The following B3GLCT variants were observed in gnomAD, a reference collection of about 807,000 sequenced individuals.
B3GLCT encodes the protein beta-1,3-glucosyltransferase.
Under a neutral mutation model 63.4 loss-of-function variants are expected in B3GLCT, and 65 were observed. The observed-to-expected ratio is 1.03, with a 90% CI of 0.84 to 1.26. B3GLCT has a LOEUF of 1.26. Ranked by LOEUF, B3GLCT falls within the 50% of genes most tolerant of loss-of-function variation. The probability of loss-of-function intolerance (pLI) is 0.00; values close to 1 mark genes in which losing one functional copy is unlikely to be tolerated. For synonymous variants in B3GLCT, 233 were observed against 219.2 expected (o/e 1.06, Z -0.55); for missense variants, 577 against 604.8 (o/e 0.95, Z 0.48).
intron 1 of B3GLCT, among the ~76,000 whole-genome samples, chr13:31,214,138 T>C (rs941059153): frequency 4.6e-5 from 7 of 152,322 alleles, no homozygotes; most frequent in Admixed American, 4.6e-4. Context: ...TGACACTCCT[T>C]GTACATTATT....
rs768474403 is a variant in B3GLCT, at chr13:31,229,248, A to C, written c.224A>C (p.Glu75Ala). Residue 75 changes from glutamate (E) to alanine (A), a missense_variant, in exon 4 of 15, where the codon GAG (glutamate) becomes GCG (alanine). Glu to Ala is a moderately radical substitution (Grantham distance 107). Coordinates refer to ENST00000343307, the MANE Select transcript of B3GLCT (RefSeq NM_194318.4). ...AATTCTTTTCATGCAAAGAGAGCAG[A>C]GCAGTTAAAAAAAAGCATCTTAAAG... ...QSNSFHAKRA[E>A]QLKKSILKQA... is the part of the protein sequence containing the mutation. 9.9e-6 allele frequency: 16 copies of C among 1,613,804 alleles called. No individual in the cohort carries two copies. The highest frequency in any genetic ancestry group is 1.1e-5 in the Non-Finnish European group (13 of 1,179,648).
chr13:31,291,815 C>T (rs1338567341), intron 12 of B3GLCT, among the ~76,000 whole-genome samples: 3 of 152,190 alleles, frequency 2.0e-5, no homozygotes, highest in African/African-American at 7.2e-5. Flanking sequence ...ATTTCTTTCT[C>T]TTCCTTATTG....
chr13:31,254,155 G>T (rs1871594144), intron 6 of B3GLCT, among the ~76,000 whole-genome samples: 1 of 152,104 alleles, frequency 6.6e-6, no homozygotes, highest in African/African-American at 2.4e-5. Flanking sequence ...GAAAAAGAGG[G>T]AATCCTCCCT....
chr13:31,228,954 T>C (rs112235705), intron 3 of B3GLCT, among the ~76,000 whole-genome samples: 40 of 152,322 alleles, frequency 2.6e-4, no homozygotes, highest in African/African-American at 9.1e-4. Context: ...TGCCATAGAC[T>C]GGGTCTGGTA....
At chr13:31,317,326 C>T (rs1875088331) in intron 12 of B3GLCT, among the ~76,000 whole-genome samples, 1 of 152,216 alleles carries the variant, frequency 6.6e-6, no homozygotes, top group Non-Finnish European at 1.5e-5. Flanking sequence ...AACTGAGGAA[C>T]AAGCCCCTTG....
chr13:31,229,033 T>G, intron 3 of B3GLCT, 152 bp from the exon 4 acceptor site: 1 of 631,604 alleles, frequency 1.6e-6, no homozygotes, highest in Non-Finnish European at 2.8e-6. Flanking sequence ...GAGAGAAAAT[T>G]TTGTCTCTAG....
intron 1 of B3GLCT, among the ~76,000 whole-genome samples, chr13:31,210,009 C>T (rs1869175559): frequency 6.6e-6 from 1 of 152,186 alleles, no homozygotes; most frequent in African/African-American, 2.4e-5. Flanking sequence ...TTGATTAGTG[C>T]TGCTTAAATG....
chr13:31,219,494 A>G (rs547665229), intron 2 of B3GLCT, among the ~76,000 whole-genome samples: 1 of 152,162 alleles, frequency 6.6e-6, no homozygotes, highest in East Asian at 1.9e-4. Flanking sequence ...CTGTGGTAGC[A>G]CTCAAAGTCC....
chr13:31,323,489 T>G (rs1159189212), intron 13 of B3GLCT, among the ~76,000 whole-genome samples: 1 of 152,190 alleles, frequency 6.6e-6, no homozygotes, highest in Non-Finnish European at 1.5e-5. Flanking sequence ...CATTTCTACC[T>G]TAGGATCAGA....
At chr13:31,216,437 T>G (rs571243552) in intron 2 of B3GLCT, among the ~76,000 whole-genome samples, 31 of 151,112 alleles carry the variant, frequency 2.1e-4, no homozygotes, top group African/African-American at 7.4e-4. Context: ...CAGGTTTGTT[T>G]GTTTGTTTTT....
chr13:31,229,166 C>CT lies in B3GLCT; in HGVS notation c.161-18dup. 1 of 1,471,146 alleles carries CT rather than the reference C, an allele frequency of 6.8e-7. No homozygotes were observed. The highest frequency in any genetic ancestry group is 1.4e-5 in the African/African-American group (1 of 71,930). The allele number at this position is 1,471,146 out of a possible 1,614,324, so 91.1% of individuals were successfully genotyped here. On this transcript the variant is annotated intron_variant, in intron 3 of 14. Coordinates refer to ENST00000343307, the MANE Select transcript of B3GLCT (RefSeq NM_194318.4). ...TTTTGTAAAAAGAAATACCTGAAAACTATTTTTTTTTGTTCTAGACTTAAA... is the reference window on the plus strand; with the variant it reads ...TTTTGTAAAAAGAAATACCTGAAAACTTATTTTTTTTTGTTCTAGACTTAAA...
chr13:31,228,402 A>G (rs4941795), intron 3 of B3GLCT, among the ~76,000 whole-genome samples: 128,547 of 152,200 alleles, frequency 0.84, 56,417 homozygotes, highest in Non-Finnish European at 0.97. Context: ...GGACTACATA[A>G]CAAAGTACCA....
rs1875476415 is a variant in B3GLCT, at chr13:31,323,977, C to T, written c.1329+82C>T. The stretch of plus-strand genomic sequence containing the variant: ...CTTAAGGATTTGACTTCTTTCTCTT[C>T]ACATATTCGGGAAACAGACTAAGAA... On this transcript the variant is annotated intron_variant, in intron 14 of 14. Coordinates refer to ENST00000343307, the MANE Select transcript of B3GLCT (RefSeq NM_194318.4). 4 of 1,528,010 alleles carry T rather than the reference C, an allele frequency of 2.6e-6. No homozygotes were observed. In the African/African-American group the frequency reaches 4.1e-5, roughly 16 times the overall value. 94.7% of individuals were successfully genotyped at this position (1,528,010 alleles called of 1,614,324 possible).
chr13:31,315,509 A>C (rs1389981870), intron 12 of B3GLCT, among the ~76,000 whole-genome samples: 1 of 152,218 alleles, frequency 6.6e-6, no homozygotes, highest in East Asian at 1.9e-4. Context: ...AGCATTCATG[A>C]GGTGACCTGG....
intron 12 of B3GLCT, among the ~76,000 whole-genome samples, chr13:31,291,425 C>T (rs529150516): frequency 6.6e-6 from 1 of 152,266 alleles, no homozygotes; most frequent in African/African-American, 2.4e-5. Context: ...GTCAGTATGG[C>T]CGTTTTCACA....
rs116255607 is a variant in B3GLCT at position 31,266,593 on chromosome 13, A to T, written c.597-2621A>T. ...ACTCTTAGAACTTGAACTTGTTTGC[A>T]AGGTGACTGGATGACTGACATAGGC... On this transcript the variant is annotated intron_variant, in intron 7 of 14. Transcript: ENST00000343307. 2.7e-3 allele frequency among the ~76,000 whole-genome samples: 404 copies of T among 152,304 alleles called. 2 individuals are homozygous for T. Among genetic ancestry groups the T allele is most frequent in the African/African-American group, 9.3e-3 (386 of 41,568 alleles).
At chr13:31,236,165 G>A (rs570624125) in intron 4 of B3GLCT, among the ~76,000 whole-genome samples, 1 of 152,188 alleles carries the variant, frequency 6.6e-6, no homozygotes, top group Admixed American at 6.5e-5. Context: ...TTTGCATCCC[G>A]CATAGCACGT....
At chr13:31,320,493 A>G (rs1345814330) in intron 13 of B3GLCT, among the ~76,000 whole-genome samples, 1 of 152,200 alleles carries the variant, frequency 6.6e-6, no homozygotes, top group Non-Finnish European at 1.5e-5. Flanking sequence ...CTAGAAATTC[A>G]TTCATCTAGG....
Position 31,316,680 on chromosome 13 carries a change from T to C in B3GLCT, c.1065-886T>C, listed in dbSNP as rs138867101. Among the ~76,000 whole-genome samples, 835 of 151,898 alleles carry C rather than the reference T, an allele frequency of 5.5e-3. 12 individuals carry two copies. Among genetic ancestry groups the C allele is most frequent in the African/African-American group, 0.019 (802 of 41,452 alleles). The stretch of plus-strand genomic sequence containing the variant: ...GCTTTTGATTTTGCAGGCTTATAGG[T>C]GGAAGGGACGTTTCTAATTGGTGTA... On this transcript the variant is annotated intron_variant, in intron 12 of 14. Coordinates refer to ENST00000343307, the MANE Select transcript of B3GLCT (RefSeq NM_194318.4).
Sources: gnomAD v4.1 joint callset for allele counts (sites outside exome capture counted in the v4.1 genomes callset) on GRCh38, gnomAD v4.1.1 for gene constraint, MANE v1.5 for transcripts, NCBI Gene and HGNC (gene_info 2026-07-23, HGNC 2026-07-21) for gene names.